Variants in LARP1 observed in about 807,000 individuals in gnomAD.
LARP1 encodes the protein La ribonucleoprotein 1, translational regulator, also known as la-related protein 1.
In LARP1, 36 loss-of-function variants were observed where a neutral mutation model predicts 122.7. The observed-to-expected ratio is 0.29, with a 90% confidence interval of 0.22 to 0.39. The LOEUF (loss-of-function observed/expected upper bound fraction) is 0.39, where lower values mean the gene tolerates loss of function less well. LARP1 is among the 10% of genes least tolerant of loss of function. The probability of loss-of-function intolerance (pLI) is 1.00; values close to 1 mark genes in which losing one functional copy is unlikely to be tolerated. For missense variants in LARP1, 1,040 were observed against 1,403.6 expected (o/e 0.74, Z 4.14); for synonymous variants, 539 against 528.7 (o/e 1.02, Z -0.27).
chr5:154,773,540 G>GC (rs1262771946), intron 1 of LARP1, among the ~76,000 whole-genome samples: 4 of 152,166 alleles, frequency 2.6e-5, no homozygotes, highest in African/African-American at 9.7e-5. Flanking sequence ...TTCCCCCACA[G>GC]CACTGTGCTG....
At chr5:154,795,388 A>C in intron 8 of LARP1, 69 bp downstream of exon 8, 1 of 1,517,986 alleles carries the variant, frequency 6.6e-7, no homozygotes, top group Non-Finnish European at 9.0e-7. Flanking sequence ...AGTTTGGGCC[A>C]AGGCAGAAAG....
chr5:154,691,936 T>C lies in LARP1; in HGVS notation c.-180+8899T>C, dbSNP rs373293684. Among the ~76,000 whole-genome samples, 210 of 152,114 alleles carry C rather than the reference T, an allele frequency of 1.4e-3. 2 individuals are homozygous for C. In the East Asian group the frequency reaches 0.033, roughly 24 times the overall value. On this transcript the variant is annotated intron_variant, in intron 1 of 18. Transcript: ENST00000687700. ...ACCTGAGTAGCTGGGACTACAGGCC[T>C]GCGCCACCACGCCCGGCTAATTTTT...
At chr5:154,806,370 A>C (rs1305235632) in intron 15 of LARP1, among the ~76,000 whole-genome samples, 6 of 152,220 alleles carry the variant, frequency 3.9e-5, no homozygotes, top group Non-Finnish European at 5.9e-5. Context: ...GGTATGTAAG[A>C]GGTGACATAT....
chr5:154,801,364 A>G (rs1364823168), intron 10 of LARP1, among the ~76,000 whole-genome samples: 1 of 152,090 alleles, frequency 6.6e-6, no homozygotes. Flanking sequence ...AAGCTCCTTT[A>G]ACTGTGTGCA....
intron 1 of LARP1, among the ~76,000 whole-genome samples, chr5:154,701,781 C>T (rs1439844731): frequency 4.6e-5 from 7 of 152,032 alleles, no homozygotes; most frequent in Non-Finnish European, 8.8e-5. Flanking sequence ...GCCACCATGA[C>T]CAGCTAATTT....
chr5:154,811,491 T>C (rs1220197508), intron 17 of LARP1, 22 bp from the exon 18 acceptor site: 1 of 1,614,168 alleles, frequency 6.2e-7, no homozygotes, highest in Non-Finnish European at 8.5e-7. Context: ...CCAGCTCAGC[T>C]TTTCTGTACC....
chr5:154,788,004 T>C (rs536946587), intron 1 of LARP1, among the ~76,000 whole-genome samples: 1 of 152,274 alleles, frequency 6.6e-6, no homozygotes, highest in East Asian at 1.9e-4. Flanking sequence ...ACCTGATTTC[T>C]CTTTATAACA....
Position 154,748,784 on chromosome 5 carries a change from A to C in LARP1, c.205+35654A>C, listed in dbSNP as rs892919669. On this transcript the variant is annotated intron_variant, in intron 1 of 18. Transcript: ENST00000336314. ...ATGGGGAAACTGAGGCTTAGAGAGAAGTTAAATATTTTCCTAAAGTCACAA... is the reference window on the plus strand; with the variant it reads ...ATGGGGAAACTGAGGCTTAGAGAGACGTTAAATATTTTCCTAAAGTCACAA... Among the ~76,000 whole-genome samples the C allele has an allele frequency of 4.6e-5, 7 of 152,344 alleles. No homozygotes were observed. In the East Asian group the frequency reaches 5.8e-4, roughly 13 times the overall value.
At chr5:154,782,173 G>A (rs1260789052) in intron 1 of LARP1, among the ~76,000 whole-genome samples, 7 of 152,186 alleles carry the variant, frequency 4.6e-5, no homozygotes, top group African/African-American at 1.2e-4. Flanking sequence ...GTCTTTTTGA[G>A]ATAATTAAGT....
chr5:154,798,189 G>A lies in LARP1; in HGVS notation c.1378-1402G>A, dbSNP rs150496688. Among the ~76,000 whole-genome samples the A allele has an allele frequency of 5.2e-3, 793 of 152,094 alleles. 7 individuals carry two copies. The highest frequency in any genetic ancestry group is 0.018 in the African/African-American group (759 of 41,468). On this transcript the variant is annotated intron_variant, in intron 8 of 18. Transcript: ENST00000518297. ...TTTTACATTTGTGTAAAACATTTAC[G>A]TGGTTCTAGAGTCTCAGCATGGTAT...
chr5:154,747,889 CT>C (rs1753286081), intron 1 of LARP1, among the ~76,000 whole-genome samples: 1 of 152,168 alleles, frequency 6.6e-6, no homozygotes, highest in Admixed American at 6.5e-5. Context: ...CAGTGTCTCC[CT>C]TTGTCACCCA....
intron 1 of LARP1, among the ~76,000 whole-genome samples, chr5:154,685,272 T>C (rs1753876521): frequency 6.6e-6 from 1 of 151,228 alleles, no homozygotes; most frequent in Non-Finnish European, 1.5e-5. Context: ...ATTGCACTCC[T>C]TAATGTGGCC....
chr5:154,796,109 A>G (rs1238634625), intron 8 of LARP1, among the ~76,000 whole-genome samples: 1 of 120,110 alleles, frequency 8.3e-6, no homozygotes, highest in Non-Finnish European at 1.6e-5. Context: ...ATATTTATAT[A>G]TAGTATATAT....
chr5:154,798,534 T>G (rs1432150030), intron 8 of LARP1, among the ~76,000 whole-genome samples: 1 of 152,336 alleles, frequency 6.6e-6, no homozygotes, highest in Middle Eastern at 3.4e-3. Flanking sequence ...TTTTGGTTGT[T>G]TTTTTGAGAC....
At chr5:154,767,361 G>A (rs1561581618) in intron 1 of LARP1, among the ~76,000 whole-genome samples, 1 of 152,174 alleles carries the variant, frequency 6.6e-6, no homozygotes, top group South Asian at 2.1e-4. Flanking sequence ...TCTTCAATTT[G>A]CTTAACAGAA....
chr5:154,802,844 G>A lies in LARP1; in HGVS notation c.2109+445G>A, dbSNP rs1758455367. The stretch of plus-strand genomic sequence containing the variant: ...GAAATAGTCAAAACATCTCTGTTGT[G>A]GGATTTTAGAGTGGGTATGTTTGGT... On this transcript the variant is annotated intron_variant, in intron 11 of 18. Coordinates refer to ENST00000518297, the MANE Select transcript of LARP1 (RefSeq NM_033551.3). This position sits in a 1 kb window ranked among gnomAD's most constrained non-coding sequence, Gnocchi z 5.1. Among the ~76,000 whole-genome samples the A allele has an allele frequency of 6.6e-6, 1 of 152,210 alleles. No homozygotes were observed. The highest frequency in any genetic ancestry group is 2.4e-5 in the African/African-American group (1 of 41,454).
chr5:154,753,820 A>G (rs1288907552), upstream of LARP1, among the ~76,000 whole-genome samples: 1 of 152,238 alleles, frequency 6.6e-6, no homozygotes, highest in Non-Finnish European at 1.5e-5. Context: ...ACTGGTTACA[A>G]CAATCCTACA....
chr5:154,792,310 C>T (rs1324511541), intron 3 of LARP1, among the ~76,000 whole-genome samples: 2 of 152,166 alleles, frequency 1.3e-5, no homozygotes, highest in African/African-American at 2.4e-5. Flanking sequence ...CCACAGACTA[C>T]CTAGACAACA....
intron 15 of LARP1, 94 bp downstream of exon 15, chr5:154,806,126 T>A: frequency 7.5e-7 from 1 of 1,330,330 alleles, no homozygotes; most frequent in Non-Finnish European, 1.0e-6. Flanking sequence ...GTGACTCTTT[T>A]CTCTGACTTC....
Sources: gnomAD v4.1 joint callset for allele counts (sites outside exome capture counted in the v4.1 genomes callset) on GRCh38, gnomAD v4.1.1 for gene constraint, Gnocchi (gnomAD v3.1) non-coding constraint, MANE v1.5 for transcripts, NCBI Gene and HGNC (gene_info 2026-07-23, HGNC 2026-07-21) for gene names.